The following TBC1D2 variants were observed in gnomAD, a reference collection of about 807,000 sequenced individuals.
TBC1D2 encodes TBC1 domain family member 2.
Under a neutral mutation model 91.1 loss-of-function variants are expected in TBC1D2, and 58 were observed. The ratio of observed to expected loss-of-function variants is 0.64; its 90% CI spans 0.52 to 0.79. TBC1D2 has a LOEUF of 0.79. TBC1D2 is among the 30% of genes least tolerant of loss of function. The probability of loss-of-function intolerance (pLI) is 0.00; values close to 1 mark genes in which losing one functional copy is unlikely to be tolerated. For missense variants in TBC1D2, 1,080 were observed against 1,208.3 expected, an observed-to-expected ratio of 0.89 and a Z score of 1.57; for synonymous variants, 482 against 511.5, an observed-to-expected ratio of 0.94 and a Z score of 0.78.
chr9:98,255,236 A>G lies in TBC1D2; in HGVS notation c.306T>C (p.Cys102=), dbSNP rs764432449. 19 of 1,613,704 alleles carry G rather than the reference A, an allele frequency of 1.2e-5. No individual in the cohort carries two copies. The highest frequency in any genetic ancestry group is 1.5e-5 in the Non-Finnish European group (18 of 1,179,832). Reference sequence around the variant, plus strand: ...AGATCCCCTCCTCAGCGTCCGCCTTACAGTCAAACACTGCACTGGAGAGGT... The same window carrying G: ...AGATCCCCTCCTCAGCGTCCGCCTTGCAGTCAAACACTGCACTGGAGAGGT... The part of the protein sequence containing the change: ...SIDLSSAVFD[C]KADAEEGIFE... The change falls in exon 1 of 13, where the codon TGT becomes TGC. Residue 102 remains cysteine, a synonymous_variant. Transcript: ENST00000465784.
intron 2 of TBC1D2, among the ~76,000 whole-genome samples, chr9:98,248,524 C>T (rs16914196): frequency 0.11 from 15,998 of 152,264 alleles, 1,022 homozygotes; most frequent in Admixed American, 0.15. Context: ...GGGCCCTGGA[C>T]GAGTGCCTGG....
chr9:98,207,300 T>TA (rs922445659), intron 9 of TBC1D2, among the ~76,000 whole-genome samples: 1 of 152,016 alleles, frequency 6.6e-6, no homozygotes, highest in Non-Finnish European at 1.5e-5. Context: ...CCACCTATTC[T>TA]AAAAAAAAGC....
rs757834258 is a variant in TBC1D2 at position 98,255,268 on chromosome 9, T to C, written c.274A>G (p.Ser92Gly). 2 of 1,614,116 alleles carry C rather than the reference T, an allele frequency of 1.2e-6. No individual in the cohort carries two copies. Among genetic ancestry groups the C allele is most frequent in the African/African-American group, 2.7e-5 (2 of 74,930 alleles). ...RTAQDANPLD[S>G]IDLSSAVFDC... Reference sequence around the variant, plus strand: ...AACACTGCACTGGAGAGGTCGATGCTGTCCAAGGGATTGGCATCCTGAGCG... The same window carrying C: ...AACACTGCACTGGAGAGGTCGATGCCGTCCAAGGGATTGGCATCCTGAGCG... The change falls in exon 1 of 13, where the codon AGC becomes GGC. Residue 92 changes from serine (S) to glycine (G), a missense_variant. Ser to Gly is a moderately conservative substitution (Grantham distance 56). Transcript: ENST00000465784.
intron 5 of TBC1D2, among the ~76,000 whole-genome samples, chr9:98,227,734 A>ACT (rs2119116041): frequency 6.6e-6 from 1 of 151,304 alleles, no homozygotes; most frequent in African/African-American, 2.4e-5. Flanking sequence ...GTGAGCCAAG[A>ACT]CTGCACCACT....
intron 6 of TBC1D2, 109 bp from the exon 7 acceptor site, chr9:98,213,327 CAAT>C: frequency 6.6e-7 from 1 of 1,523,258 alleles, no homozygotes; most frequent in Non-Finnish European, 8.8e-7. Flanking sequence ...TAGAAATTTC[CAAT>C]AATGGCAACA....
At chr9:98,206,236 G>A (rs1022888936) in intron 9 of TBC1D2, among the ~76,000 whole-genome samples, 10 of 152,240 alleles carry the variant, frequency 6.6e-5, no homozygotes, top group Non-Finnish European at 1.3e-4. Flanking sequence ...GATTACAGGC[G>A]TGAGCCACTG....
chr9:98,207,860 G>A (rs1828695283), intron 9 of TBC1D2, among the ~76,000 whole-genome samples: 1 of 152,220 alleles, frequency 6.6e-6, no homozygotes, highest in African/African-American at 2.4e-5. Context: ...GCTGCCCCCT[G>A]GGGTTGTGCA....
In TBC1D2 at chr9:98,199,505, C is replaced by A. The variant is rs145458773; in HGVS notation, c.2663G>T (p.Arg888Leu). ...CAGCTCCCGCAGCTCAGCCTCCAGC[C>A]GCTCCCGGTGGACCATGCGCAGCTG... is the stretch of plus-strand genomic sequence containing the variant. ...LRQLRMVHRE[R>L]LEAELRELEQ... The change falls in exon 13 of 13, where the codon CGG becomes CTG. Residue 888 changes from arginine (R) to leucine (L), a missense_variant. By Grantham distance (102) the Arg-to-Leu change is moderately radical. Transcript: ENST00000465784. 2 of 1,614,056 alleles carry A rather than the reference C, an allele frequency of 1.2e-6. No individual in the cohort carries two copies. The highest frequency in any genetic ancestry group is 2.7e-5 in the African/African-American group (2 of 74,932).
At position 98,202,205 on chromosome 9, in the gene TBC1D2, T is replaced by G. The variant is rs2118985542; in HGVS notation, c.2272-541A>C. On this transcript the variant is annotated intron_variant, in intron 10 of 12. Transcript: ENST00000465784. The stretch of plus-strand genomic sequence containing the variant: ...CTGCCTCGCCGGACATCAAGGAATC[T>G]TCTCAAAACAGGGTGCTCCTGGCGA... Among the ~76,000 whole-genome samples, 2 of 152,334 alleles carry G rather than the reference T, an allele frequency of 1.3e-5. 1 individual carries two copies. Among genetic ancestry groups the G allele is most frequent in the South Asian group, 4.1e-4 (2 of 4,828 alleles).
At chr9:98,221,341 A>C in intron 5 of TBC1D2, 113 bp from the exon 6 acceptor site, 1 of 1,295,672 alleles carries the variant, frequency 7.7e-7, no homozygotes, top group Middle Eastern at 2.1e-4. Flanking sequence ...GCCCAGCAGC[A>C]TCCCTGCGGC....
At chr9:98,200,409 G>A (rs765315011) in intron 11 of TBC1D2, 35 bp from the exon 12 acceptor site, 1 of 1,565,840 alleles carries the variant, frequency 6.4e-7, no homozygotes, top group Non-Finnish European at 8.7e-7. Flanking sequence ...TAGGGCATGG[G>A]GGGGCCAGGC....
Position 98,255,320 on chromosome 9 carries a change from C to G in TBC1D2, c.222G>C (p.Arg74Ser), listed in dbSNP as rs370038545. 1 of 1,614,144 alleles carries G rather than the reference C, an allele frequency of 6.2e-7. No homozygotes were observed. The highest frequency in any genetic ancestry group is 8.5e-7 in the Non-Finnish European group (1 of 1,180,064). Residue 74 changes from arginine (R) to serine (S), a missense_variant, in exon 1 of 13, where the codon AGG (arginine) becomes AGC (serine). Transcript: ENST00000465784. ...TCCGCGAGTAATACAGCTGACATTT[C>G]CTTTCGTCGTAGAAGAACCAGCGGG... ...WKSRWFFYDERKCQLYYSRTA... is the reference protein window; with the variant it reads ...WKSRWFFYDESKCQLYYSRTA...
chr9:98,249,234 C>T (rs974714655), intron 2 of TBC1D2, among the ~76,000 whole-genome samples: 1 of 152,206 alleles, frequency 6.6e-6, no homozygotes, highest in Admixed American at 6.5e-5. Context: ...GAGAAGCTCA[C>T]GTCCCTGCTT....
intron 5 of TBC1D2, among the ~76,000 whole-genome samples, chr9:98,226,106 AC>A (rs1217088466): frequency 6.6e-6 from 1 of 152,156 alleles, no homozygotes; most frequent in East Asian, 1.9e-4. Context: ...GCCTGGGGGC[AC>A]CACTGGGCAC....
chr9:98,201,437 C>T, intron 11 of TBC1D2, 42 bp downstream of exon 11: 2 of 1,586,852 alleles, frequency 1.3e-6, no homozygotes, highest in Admixed American at 1.7e-5. Flanking sequence ...GGTGAAGGGA[C>T]TTGCTCAGGG....
intron 9 of TBC1D2, among the ~76,000 whole-genome samples, chr9:98,204,740 G>A (rs1828604774): frequency 1.3e-5 from 2 of 152,358 alleles, no homozygotes; most frequent in Admixed American, 6.5e-5. Flanking sequence ...GAAGCTGAGT[G>A]GATGAAGAGA....
intron 7 of TBC1D2, among the ~76,000 whole-genome samples, chr9:98,212,204 A>C (rs747574099): frequency 7.2e-5 from 11 of 152,134 alleles, no homozygotes; most frequent in Non-Finnish European, 1.5e-4. Context: ...TGGAACAGGA[A>C]CAGAAGTCTG....
intron 1 of TBC1D2, among the ~76,000 whole-genome samples, chr9:98,252,942 G>A (rs923250293): frequency 1.3e-5 from 2 of 152,106 alleles, no homozygotes; most frequent in Non-Finnish European, 2.9e-5. Flanking sequence ...CCCTCAGGCT[G>A]TCACACAGGT....
chr9:98,213,561 G>T, intron 6 of TBC1D2: 1 of 307,702 alleles, frequency 3.2e-6, no homozygotes, highest in Non-Finnish European at 5.5e-6. Flanking sequence ...GGGAAACTAA[G>T]TGAGATAATG....
Sources: allele counts gnomAD v4.1 joint callset (sites outside exome capture counted in the v4.1 genomes callset), GRCh38; gene constraint gnomAD v4.1.1; transcripts MANE v1.5; gene names NCBI Gene and HGNC (gene_info 2026-07-23, HGNC 2026-07-21).